Variants in PDE1A observed in about 807,000 individuals in gnomAD.
The protein encoded by PDE1A is dual specificity calcium/calmodulin-dependent 3',5'-cyclic nucleotide phosphodiesterase 1A.
In PDE1A, 35 loss-of-function variants were observed where a neutral mutation model predicts 61.7. The ratio of observed to expected loss-of-function variants is 0.57; its 90% CI spans 0.43 to 0.75. The LOEUF is 0.75. Ranked by LOEUF, PDE1A falls within the 30% of genes least tolerant of loss-of-function variation. The pLI is 0.00. For missense variants in PDE1A, 597 were observed against 630.6 expected (o/e 0.95, Z 0.57); for synonymous variants, 232 against 213.2 (o/e 1.09, Z -0.77).
intron 1 of PDE1A, among the ~76,000 whole-genome samples, chr2:182,313,719 T>A (rs563281054): frequency 1.3e-4 from 20 of 152,112 alleles, no homozygotes; most frequent in Admixed American, 5.3e-4. Flanking sequence ...CTTTAATTTA[T>A]CAATTTATTT....
the PDE1A span, among the ~76,000 whole-genome samples, chr2:182,577,994 G>GGAAGGAAGGA: frequency 1.4e-3 from 159 of 116,886 alleles, 1 homozygote; most frequent in African/African-American, 5.6e-3. Flanking sequence ...GGAAGGAAGG[G>GGAAGGAAGGA]ACGGAGGGAG....
At chr2:182,497,057 G>GA (rs1040039123) in intron 2 of PDE1A, among the ~76,000 whole-genome samples, 1 of 151,862 alleles carries the variant, frequency 6.6e-6, no homozygotes, top group Non-Finnish European at 1.5e-5. Flanking sequence ...CAATTAAAGT[G>GA]AAAAAAAATT....
At chr2:182,293,578 T>C (rs1000291033) in intron 1 of PDE1A, among the ~76,000 whole-genome samples, 1 of 152,142 alleles carries the variant, frequency 6.6e-6, no homozygotes. Flanking sequence ...AATACAATAG[T>C]GTCCCCTCAT....
chr2:182,185,775 T>A, intron 13 of PDE1A, 117 bp downstream of exon 13: 1 of 1,536,654 alleles, frequency 6.5e-7, no homozygotes, highest in East Asian at 2.4e-5. Flanking sequence ...AAATTCCCAA[T>A]ACCATCAAGG....
At chr2:182,703,131 G>A in the PDE1A span, among the ~76,000 whole-genome samples, 3 of 152,172 alleles carry the variant, frequency 2.0e-5, no homozygotes, top group African/African-American at 7.2e-5. Flanking sequence ...TTTCTTTCAG[G>A]AGCGGGTATG....
intron 2 of PDE1A, among the ~76,000 whole-genome samples, chr2:182,487,288 G>A (rs1257788727): frequency 1.3e-5 from 2 of 152,164 alleles, no homozygotes; most frequent in African/African-American, 4.8e-5. Context: ...AGAAAGTGAA[G>A]AAGGTGGAAC....
chr2:182,590,179 A>G, the PDE1A span, among the ~76,000 whole-genome samples: 1 of 152,152 alleles, frequency 6.6e-6, no homozygotes, highest in Non-Finnish European at 1.5e-5. Context: ...AATGTGTATA[A>G]ACGTAGTTAG....
chr2:182,273,985 C>T lies in PDE1A; in HGVS notation c.54-9571G>A, dbSNP rs140833132. On this transcript the variant is annotated intron_variant, in intron 1 of 13. Transcript: ENST00000351439. Reference sequence around the variant, plus strand: ...GTCCTGGAGGCTGGGAAATCCCTGACCGAGGTGTTGGCAGATTCAATGTCT... The same window carrying T: ...GTCCTGGAGGCTGGGAAATCCCTGATCGAGGTGTTGGCAGATTCAATGTCT... Among the ~76,000 whole-genome samples the T allele has an allele frequency of 4.6e-5, 7 of 152,064 alleles. No individual in the cohort carries two copies. In the East Asian group the frequency reaches 1.2e-3, roughly 25 times the overall value.
At chr2:182,658,047 T>TTAAAAAAAAAAAAA in the PDE1A span, among the ~76,000 whole-genome samples, 1 of 66,662 alleles carries the variant, frequency 1.5e-5, no homozygotes, top group African/African-American at 6.9e-5. Flanking sequence ...AGCTTCTCAG[T>TTAAAAAAAAAAAAA]AAAAAAAAAA....
At chr2:182,149,692 A>G (rs1392860923) in intron 13 of PDE1A, among the ~76,000 whole-genome samples, 1 of 152,182 alleles carries the variant, frequency 6.6e-6, no homozygotes, top group Non-Finnish European at 1.5e-5. Flanking sequence ...AAAAGAAGTC[A>G]TTCTGACATA....
At chr2:182,311,604 C>T (rs1328686625) in intron 1 of PDE1A, among the ~76,000 whole-genome samples, 1 of 152,078 alleles carries the variant, frequency 6.6e-6, no homozygotes, top group East Asian at 1.9e-4. Context: ...GCTTCTTTCC[C>T]TGAGTATAAT....
the PDE1A span, among the ~76,000 whole-genome samples, chr2:182,596,586 C>A: frequency 2.0e-5 from 3 of 152,110 alleles, no homozygotes; most frequent in Non-Finnish European, 4.4e-5. Flanking sequence ...GTGCAGGTAA[C>A]TCCATTGAAA....
the PDE1A span, among the ~76,000 whole-genome samples, chr2:182,623,666 G>A: frequency 6.6e-6 from 1 of 152,156 alleles, no homozygotes; most frequent in African/African-American, 2.4e-5. Context: ...GCATAAGCAG[G>A]CTGTAACTAC....
chr2:182,195,222 T>C (rs1686039723), intron 10 of PDE1A, among the ~76,000 whole-genome samples: 1 of 152,166 alleles, frequency 6.6e-6, no homozygotes, highest in Non-Finnish European at 1.5e-5. Flanking sequence ...AGTATACTGA[T>C]ACTTTGCCTC....
intron 2 of PDE1A, among the ~76,000 whole-genome samples, chr2:182,476,979 T>C (rs1051874365): frequency 6.6e-6 from 1 of 151,476 alleles, no homozygotes; most frequent in African/African-American, 2.4e-5. Flanking sequence ...TTTTGCCTCA[T>C]GAAAGAAGAT....
chr2:182,553,449 C>T, the PDE1A span, among the ~76,000 whole-genome samples: 2 of 152,166 alleles, frequency 1.3e-5, no homozygotes, highest in Non-Finnish European at 2.9e-5. Context: ...GGGCTGGTCT[C>T]GAGCTCCTGA....
At chr2:182,466,866 C>T (rs2125789080) in intron 2 of PDE1A, among the ~76,000 whole-genome samples, 1 of 152,022 alleles carries the variant, frequency 6.6e-6, no homozygotes, top group Non-Finnish European at 1.5e-5. Flanking sequence ...TCAAGGGAAT[C>T]CTTATTTTTG....
chr2:182,562,449 C>T, the PDE1A span, among the ~76,000 whole-genome samples: 5 of 150,398 alleles, frequency 3.3e-5, no homozygotes, highest in South Asian at 2.2e-4. Flanking sequence ...TTGCTGGATT[C>T]GGTTTGCCAG....
chr2:182,350,134 G>A (rs151034178), intron 1 of PDE1A, among the ~76,000 whole-genome samples: 1 of 152,074 alleles, frequency 6.6e-6, no homozygotes, highest in African/African-American at 2.4e-5. Context: ...GATTAGTTCT[G>A]CCTATTTTTA....
Sources: allele counts gnomAD v4.1 joint callset (sites outside exome capture counted in the v4.1 genomes callset), GRCh38; gene constraint gnomAD v4.1.1; transcripts MANE v1.5; gene names NCBI Gene and HGNC (gene_info 2026-07-23, HGNC 2026-07-21).